The following TMEFF1 variants were observed in gnomAD, a reference collection of about 807,000 sequenced individuals.
TMEFF1 encodes the protein tomoregulin-1.
A neutral mutation model predicts 47.5 loss-of-function variants in TMEFF1; 20 were observed. The observed-to-expected ratio is 0.42, with a 90% CI of 0.30 to 0.61. The LOEUF (loss-of-function observed/expected upper bound fraction) is 0.61. Among genes scored for constraint, TMEFF1 ranks in the 20% least tolerant of loss-of-function variants. The probability of loss-of-function intolerance (pLI) is 0.19; values close to 1 mark genes in which losing one functional copy is unlikely to be tolerated. For synonymous variants in TMEFF1, 162 were observed against 166.3 expected (o/e 0.97, Z 0.20); for missense variants, 411 against 471.1 (o/e 0.87, Z 1.18).
intron 9 of TMEFF1, 39 bp from the exon 10 acceptor site, chr9:100,576,477 A>G: frequency 6.2e-7 from 1 of 1,601,572 alleles, no homozygotes; most frequent in Non-Finnish European, 8.5e-7. Context: ...AAAATCATCA[A>G]AACAATATTT....
At position 100,576,743 on chromosome 9, in the gene TMEFF1, T is replaced by C; in HGVS notation, c.*143T>C. 2 of 1,035,300 alleles carry C rather than the reference T, an allele frequency of 1.9e-6. No homozygotes were observed. The highest frequency in any genetic ancestry group is 2.7e-6 in the Non-Finnish European group (2 of 730,572). The allele number at this position is 1,035,300 out of a possible 1,614,324, so 64.1% of individuals were successfully genotyped here. On this transcript the variant is annotated 3_prime_UTR_variant, in exon 10 of 10. Coordinates refer to ENST00000374879, the MANE Select transcript of TMEFF1 (RefSeq NM_003692.5). ...TTGGCTCGTATTTAGAATATTCAGC[T>C]ACGACAGTTTTGGACTGTTTAGTAG...
intron 1 of TMEFF1, among the ~76,000 whole-genome samples, chr9:100,487,399 C>T (rs974519206): frequency 6.6e-6 from 1 of 152,148 alleles, no homozygotes; most frequent in Non-Finnish European, 1.5e-5. Flanking sequence ...AATCCCTGGC[C>T]TCAGGTGATC....
rs1838251767 is a variant in TMEFF1, at chr9:100,526,289, A to G, written c.560+9518A>G. ...GGTCTCCAGTGTAGTGATATCTCAC[A>G]ATGTTATGCCCTTTCCTAGATACTT... On this transcript the variant is annotated intron_variant, in intron 5 of 9. Transcript: ENST00000374879. Among the ~76,000 whole-genome samples the G allele has an allele frequency of 2.0e-5, 3 of 152,162 alleles. 1 individual carries two copies. The East Asian group carries it at 5.8e-4, about 29-fold the overall frequency.
chr9:100,477,535 C>T (rs1246941805), intron 1 of TMEFF1, among the ~76,000 whole-genome samples: 5 of 151,352 alleles, frequency 3.3e-5, no homozygotes, highest in African/African-American at 1.2e-4. Flanking sequence ...TTACTGTATT[C>T]GAAAACTTAT....
At chr9:100,484,205 T>C (rs1837402316) in intron 1 of TMEFF1, among the ~76,000 whole-genome samples, 1 of 152,218 alleles carries the variant, frequency 6.6e-6, no homozygotes, top group Admixed American at 6.5e-5. Flanking sequence ...AATTAAGTAA[T>C]TGATATCTGT....
intron 3 of TMEFF1, among the ~76,000 whole-genome samples, chr9:100,510,365 T>C (rs1722704161): frequency 6.6e-6 from 1 of 152,236 alleles, no homozygotes; most frequent in African/African-American, 2.4e-5. Context: ...TGCTGATTTT[T>C]CTTTCCCAGT....
chr9:100,488,194 T>C (rs1837486327), intron 1 of TMEFF1, among the ~76,000 whole-genome samples: 1 of 152,208 alleles, frequency 6.6e-6, no homozygotes, highest in Non-Finnish European at 1.5e-5. Context: ...TTCAAAATAA[T>C]GGGATTATAA....
At chr9:100,568,057 G>C (rs1218941077) in intron 8 of TMEFF1, among the ~76,000 whole-genome samples, 2 of 152,106 alleles carry the variant, frequency 1.3e-5, no homozygotes, top group African/African-American at 2.4e-5. Flanking sequence ...CCTCCCACTG[G>C]GTTCCTCCCA....
At chr9:100,504,376 A>G (rs1306454055) in intron 2 of TMEFF1, among the ~76,000 whole-genome samples, 5 of 152,200 alleles carry the variant, frequency 3.3e-5, no homozygotes, top group East Asian at 1.9e-4. Flanking sequence ...GGTGAATTTC[A>G]GAGACATTAA....
chr9:100,491,953 C>T (rs1042667435), intron 1 of TMEFF1, among the ~76,000 whole-genome samples: 2 of 150,294 alleles, frequency 1.3e-5, no homozygotes, highest in Non-Finnish European at 2.9e-5. Flanking sequence ...CGATCTTACT[C>T]ACTGCTACCT....
intron 5 of TMEFF1, among the ~76,000 whole-genome samples, chr9:100,544,391 G>A (rs533207742): frequency 6.6e-6 from 1 of 152,354 alleles, no homozygotes; most frequent in African/African-American, 2.4e-5. Context: ...GGCAGGCAAA[G>A]AGAGAGCTTG....
intron 3 of TMEFF1, among the ~76,000 whole-genome samples, chr9:100,510,828 G>T (rs1837950505): frequency 1.3e-5 from 2 of 152,052 alleles, no homozygotes; most frequent in South Asian, 4.1e-4. Flanking sequence ...TGAGTTGGTT[G>T]TGTGGTTAAT....
At chr9:100,488,446 G>A (rs1455633216) in intron 1 of TMEFF1, among the ~76,000 whole-genome samples, 1 of 152,100 alleles carries the variant, frequency 6.6e-6, no homozygotes, top group Admixed American at 6.6e-5. Context: ...GAAATGTTGG[G>A]TAAAAGGATA....
At chr9:100,559,660 A>G (rs1441115686) in intron 7 of TMEFF1, among the ~76,000 whole-genome samples, 2 of 152,180 alleles carry the variant, frequency 1.3e-5, no homozygotes, top group Non-Finnish European at 1.5e-5. Flanking sequence ...GCTACTAGAA[A>G]ATATAAAATT....
In TMEFF1 at chr9:100,520,600, ATACT is replaced by A. The variant is rs1176123483; in HGVS notation, c.560+3831_560+3834del. ...ATAGAAATTGATTTAAATACATTAC[ATACT>A]TCTTTGCCTTCTTAAACAGAATATA... On this transcript the variant is annotated intron_variant, in intron 5 of 9. Transcript: ENST00000374879. Among the ~76,000 whole-genome samples, 3 of 152,236 alleles carry A rather than the reference ATACT, an allele frequency of 2.0e-5. No individual in the cohort carries two copies. In the East Asian group the frequency reaches 5.8e-4, roughly 29 times the overall value.
At position 100,571,585 on chromosome 9, in the gene TMEFF1, C is replaced by T. The variant is rs10989159; in HGVS notation, c.900-933C>T. Among the ~76,000 whole-genome samples, 728 of 152,080 alleles carry T rather than the reference C, an allele frequency of 4.8e-3. 1 individual carries two copies. Among genetic ancestry groups the T allele is most frequent in the Non-Finnish European group, 8.2e-3 (558 of 67,996 alleles). On this transcript the variant is annotated intron_variant, in intron 8 of 9. Transcript: ENST00000374879. ...ATATCATGTTGTACATCAGTGGTCC[C>T]CAACCTTTTTGTTGCCAGGGACTAG...
chr9:100,490,613 G>A (rs1037048028), intron 1 of TMEFF1, among the ~76,000 whole-genome samples: 13 of 151,876 alleles, frequency 8.6e-5, no homozygotes, highest in African/African-American at 3.1e-4. Context: ...ACTACCACGT[G>A]AACTTGGCCC....
chr9:100,565,096 G>C (rs1038779918), intron 8 of TMEFF1, among the ~76,000 whole-genome samples: 1 of 152,126 alleles, frequency 6.6e-6, no homozygotes, highest in Non-Finnish European at 1.5e-5. Flanking sequence ...TGGGATATCC[G>C]CTTACAGATG....
At chr9:100,537,477 A>G (rs1173015226) in intron 5 of TMEFF1, among the ~76,000 whole-genome samples, 1 of 152,212 alleles carries the variant, frequency 6.6e-6, no homozygotes, top group Non-Finnish European at 1.5e-5. Flanking sequence ...ATTAGGATGC[A>G]TGTTTGGGGC....
Sources: gnomAD v4.1 joint callset for allele counts (sites outside exome capture counted in the v4.1 genomes callset) on GRCh38, gnomAD v4.1.1 for gene constraint, MANE v1.5 for transcripts, NCBI Gene and HGNC (gene_info 2026-07-23, HGNC 2026-07-21) for gene names.